IQCE: variants seen among roughly 807,000 people sequenced by gnomAD.
IQCE encodes the protein IQ motif containing E.
In IQCE, 115 loss-of-function variants were observed where a neutral mutation model predicts 96.0. The ratio of observed to expected loss-of-function variants is 1.20; its 90% CI spans 1.03 to 1.40. The LOEUF is 1.40. IQCE is among the 40% of genes most tolerant of loss of function. IQCE has a pLI of 0.00. For missense variants in IQCE, 1,041 were observed against 909.1 expected (o/e 1.15, Z -1.87); for synonymous variants, 412 against 371.2 (o/e 1.11, Z -1.26).
rs375725907 is a variant in IQCE at position 2,582,567 on chromosome 7, G to A, written c.631-13G>A. 8.7e-6 allele frequency: 14 copies of A among 1,613,346 alleles called. No homozygotes were observed. The highest frequency in any genetic ancestry group is 4.5e-5 in the East Asian group (2 of 44,880). On this transcript the variant is annotated splice_polypyrimidine_tract_variant and intron_variant, in intron 8 of 21. Transcript: ENST00000402050. ...AGGGCGTGGCCTGCCTGATGGGCAC[G>A]TTCCCCGGGCAGGTCATTAACGGGC...
intron 16 of IQCE, 45 bp from the exon 17 acceptor site, chr7:2,598,420 C>T: frequency 6.6e-7 from 1 of 1,518,870 alleles, no homozygotes; most frequent in Non-Finnish European, 8.9e-7. Context: ...ACTGGTTGTC[C>T]CTGCCCTGGC....
intron 1 of IQCE, among the ~76,000 whole-genome samples, chr7:2,560,623 A>C (rs116262921): frequency 2.0e-5 from 3 of 152,302 alleles, no homozygotes; most frequent in African/African-American, 7.2e-5. Context: ...GATTATAAAA[A>C]TAATTTATGT....
At chr7:2,593,206 C>T in intron 15 of IQCE, 80 bp downstream of exon 15, 4 of 1,504,184 alleles carry the variant, frequency 2.7e-6, no homozygotes, top group Non-Finnish European at 3.6e-6. Context: ...CGTGGCGTCT[C>T]AGCCTTGCTG....
chr7:2,587,835 G>T lies in IQCE; in HGVS notation c.1002G>T (p.Trp334Cys). 6.2e-7 allele frequency: 1 copy of T among 1,614,074 alleles called. No individual in the cohort carries two copies. The highest frequency in any genetic ancestry group is 8.5e-7 in the Non-Finnish European group (1 of 1,179,980). ...TISKTQGYVE[W>C]SKPRLLRRIV... ...TGCTTCCATCAGGTTATGTGGAGTG[G>T]AGCAAGCCCCGGCTGCTGAGGCGCA... is the stretch of plus-strand genomic sequence containing the variant. Residue 334 changes from tryptophan (W) to cysteine (C), a missense_variant, in exon 13 of 22, where the codon TGG (tryptophan) becomes TGT (cysteine). Trp to Cys is a radical substitution (Grantham distance 215, BLOSUM62 -2). Transcript: ENST00000402050.
At position 2,606,090 on chromosome 7, in the gene IQCE, C is replaced by T. The variant is rs895971814; in HGVS notation, c.1865+93C>T. The T allele has an allele frequency of 3.5e-5, 49 of 1,406,234 alleles. No homozygotes were observed. In the African/African-American group the frequency reaches 5.6e-4, roughly 16 times the overall value. The allele number at this position is 1,406,234 out of a possible 1,614,324, so 87.1% of individuals were successfully genotyped here. A position where few individuals can be genotyped will look rare whatever the true frequency, so the allele number is the denominator to read the frequency against. On this transcript the variant is annotated intron_variant, in intron 20 of 21. Transcript: ENST00000402050. ...GGAGCACTGGGTGCAGGGCATGTGG[C>T]GGAAACTGGAGCAGCGCCTGCCGCC...
intron 16 of IQCE, chr7:2,596,901 T>TA (rs903485754): frequency 2.2e-6 from 1 of 456,942 alleles, no homozygotes; most frequent in Admixed American, 2.4e-5. Context: ...TTGCCACAGC[T>TA]AAAGAGATCT....
chr7:2,598,362 T>C, intron 16 of IQCE, 103 bp from the exon 17 acceptor site: 1 of 1,170,804 alleles, frequency 8.5e-7, no homozygotes, highest in Non-Finnish European at 1.2e-6. Context: ...ACTCACCTGA[T>C]AAGCGCAGCC....
chr7:2,603,276 A>C (rs1186692019), intron 18 of IQCE, among the ~76,000 whole-genome samples: 6 of 152,152 alleles, frequency 3.9e-5, no homozygotes, highest in Non-Finnish European at 8.8e-5. Flanking sequence ...CCTGCCTGGC[A>C]TCTCACTTTG....
intron 4 of IQCE, 74 bp downstream of exon 4, chr7:2,571,728 A>G (rs547772604): frequency 6.8e-7 from 1 of 1,471,000 alleles, no homozygotes; most frequent in South Asian, 1.2e-5. Flanking sequence ...GTGGTTTGAG[A>G]TGGAGTTTTT....
At chr7:2,609,667 G>T (rs1285289861) in intron 21 of IQCE, among the ~76,000 whole-genome samples, 5 of 151,614 alleles carry the variant, frequency 3.3e-5, no homozygotes, top group Non-Finnish European at 7.4e-5. Context: ...GTGTAAGTTG[G>T]TCCTGAGGCT....
intron 15 of IQCE, among the ~76,000 whole-genome samples, chr7:2,594,110 A>C (rs1783830325): frequency 6.6e-6 from 1 of 151,762 alleles, no homozygotes; most frequent in Admixed American, 6.6e-5. Context: ...AAATACAAAA[A>C]TTAGCCGGGC....
rs1785200829 is a variant in IQCE, at chr7:2,613,958, TTTC to T, written c.*3799_*3801del. On this transcript the variant is annotated 3_prime_UTR_variant, in exon 22 of 22. Coordinates refer to ENST00000402050, the MANE Select transcript of IQCE (RefSeq NM_152558.5). ...GGCCCGGTGTTGGACAAAGTAGCTT[TTTC>T]TTTGCTCGTTTGTCTGTGTATTAAG... is the stretch of plus-strand genomic sequence containing the variant. The T allele has an allele frequency of 6.6e-6, 1 of 152,184 alleles. No homozygotes were observed. The allele number at this position is 152,184 out of a possible 1,614,324, so 9.4% of individuals were successfully genotyped here. A position where few individuals can be genotyped will look rare whatever the true frequency, so the allele number is the denominator to read the frequency against.
intron 1 of IQCE, among the ~76,000 whole-genome samples, chr7:2,564,251 A>G (rs1781195554): frequency 1.3e-5 from 2 of 152,022 alleles, no homozygotes; most frequent in Admixed American, 1.3e-4. Context: ...ATATTTTTAA[A>G]TTTCCCTTGT....
intron 9 of IQCE, 65 bp from the exon 10 acceptor site, chr7:2,583,572 T>C: frequency 1.6e-6 from 2 of 1,271,696 alleles, no homozygotes; most frequent in South Asian, 1.2e-5. Flanking sequence ...TGGGAAACTC[T>C]TCCTCTTGCT....
At chr7:2,566,745 C>T (rs760513261) in intron 1 of IQCE, 7 of 242,736 alleles carry the variant, frequency 2.9e-5, no homozygotes, top group Middle Eastern at 1.5e-3. Context: ...GTCACAGATT[C>T]GTTGTGCTTT....
chr7:2,597,342 C>T (rs561567109), intron 16 of IQCE, among the ~76,000 whole-genome samples: 154 of 152,372 alleles, frequency 1.0e-3, no homozygotes, highest in Non-Finnish European at 1.8e-3. Context: ...TGGCCGTGCC[C>T]GAAGGCAGGC....
rs1467701635 is a variant in IQCE, at chr7:2,578,324, G to A, written c.548G>A (p.Arg183Gln). 10 of 1,613,920 alleles carry A rather than the reference G, an allele frequency of 6.2e-6. No homozygotes were observed. Among genetic ancestry groups the A allele is most frequent in the Non-Finnish European group, 5.9e-6 (7 of 1,179,964 alleles). The stretch of plus-strand genomic sequence containing the variant: ...GAGGAGGAAAACAGCAGGAAGGACC[G>A]GCAGATAGAGCAGCTCCTGGATCCC... ...RLEEENSRKD[R>Q]QIEQLLDPSR... Residue 183 changes from arginine (R) to glutamine (Q), a missense_variant, in exon 7 of 22, where the codon CGG becomes CAG. Arg to Gln is a conservative substitution (Grantham distance 43). Coordinates refer to ENST00000402050, the MANE Select transcript of IQCE (RefSeq NM_152558.5).
chr7:2,587,569 A>C (rs1783220153), intron 12 of IQCE, among the ~76,000 whole-genome samples: 1 of 152,072 alleles, frequency 6.6e-6, no homozygotes, highest in Non-Finnish European at 1.5e-5. Context: ...GGCCAGGTGG[A>C]ATCGGGAAAG....
chr7:2,599,427 C>T (rs1784284087), intron 17 of IQCE, among the ~76,000 whole-genome samples: 1 of 152,168 alleles, frequency 6.6e-6, no homozygotes, highest in African/African-American at 2.4e-5. Context: ...AACTCCTGGC[C>T]TCAGGTGATC....
Sources: allele counts gnomAD v4.1 joint callset (sites outside exome capture counted in the v4.1 genomes callset), GRCh38; gene constraint gnomAD v4.1.1; transcripts MANE v1.5; gene names NCBI Gene and HGNC (gene_info 2026-07-23, HGNC 2026-07-21).